DNAAF11: variants seen among roughly 807,000 people sequenced by gnomAD.
The protein encoded by DNAAF11 is dynein axonemal assembly factor 11, also known as leucine rich repeat containing 6.
A neutral mutation model predicts 60.8 loss-of-function variants in DNAAF11; 45 were observed. That is an observed-to-expected ratio of 0.74 (90% CI 0.58 to 0.95). The LOEUF (loss-of-function observed/expected upper bound fraction) is 0.95, where lower values mean the gene tolerates loss of function less well. Ranked by LOEUF, DNAAF11 falls within the 40% of genes least tolerant of loss-of-function variation. The pLI is 0.00. For synonymous variants in DNAAF11, 191 were observed against 183.5 expected (o/e 1.04, Z -0.33); for missense variants, 546 against 546.2 (o/e 1.00, Z 0.00).
At chr8:132,636,755 G>T (rs561822436) in intron 4 of DNAAF11, among the ~76,000 whole-genome samples, 1 of 152,258 alleles carries the variant, frequency 6.6e-6, no homozygotes, top group African/African-American at 2.4e-5. Context: ...GTATAATAAT[G>T]ATCAGTTTAG....
chr8:132,633,765 G>GT, intron 4 of DNAAF11, among the ~76,000 whole-genome samples: 1 of 152,248 alleles, frequency 6.6e-6, no homozygotes, highest in East Asian at 1.9e-4. Flanking sequence ...GAGTGTCAGA[G>GT]TTAGGGAGAG....
intron 3 of DNAAF11, among the ~76,000 whole-genome samples, chr8:132,650,613 G>A (rs138219746): frequency 5.4e-4 from 82 of 152,274 alleles, no homozygotes; most frequent in Admixed American, 2.5e-3. Flanking sequence ...TGAAGGATGT[G>A]TACAAAACTA....
intron 11 of DNAAF11, 21 bp downstream of exon 11, chr8:132,583,673 G>C: frequency 2.5e-6 from 4 of 1,590,688 alleles, no homozygotes; most frequent in Non-Finnish European, 3.5e-6. Context: ...TACAGCTAAG[G>C]ACAGTCTGGG....
At chr8:132,630,813 T>G (rs1048627490) in intron 5 of DNAAF11, among the ~76,000 whole-genome samples, 7 of 152,172 alleles carry the variant, frequency 4.6e-5, no homozygotes, top group African/African-American at 7.2e-5. Context: ...GCAAATTAAT[T>G]TTTTTAAAAA....
rs1563992420 is a variant in DNAAF11, at chr8:132,595,347, G to GAAAAAAAAAAAAAAAA, written c.1141-11569_1141-11568insTTTTTTTTTTTTTTTT. 9.8e-5 allele frequency among the ~76,000 whole-genome samples: 4 copies of GAAAAAAAAAAAAAAAA among 40,680 alleles called. 1 individual carries two copies. Among genetic ancestry groups the GAAAAAAAAAAAAAAAA allele is most frequent in the African/African-American group, 8.0e-5 (1 of 12,570 alleles). 26.7% of individuals were successfully genotyped at this position (40,680 alleles called of 152,430 possible). On this transcript the variant is annotated intron_variant, in intron 10 of 11. Coordinates refer to ENST00000620350, the MANE Select transcript of DNAAF11 (RefSeq NM_012472.6). ...TTCCCGAAAGAGAGAGAGACAGAGG[G>GAAAAAAAAAAAAAAAA]GAAAAAAAAAAAAAAAAAAAAAAAA...
At chr8:132,603,874 A>C (rs1817883516) in intron 10 of DNAAF11, among the ~76,000 whole-genome samples, 1 of 152,114 alleles carries the variant, frequency 6.6e-6, no homozygotes, top group African/African-American at 2.4e-5. Context: ...CGGAGTGGGA[A>C]GTCTTTTAAA....
upstream of DNAAF11, among the ~76,000 whole-genome samples, chr8:132,676,255 CCCAGACCCTTCT>C (rs1825756493): frequency 6.6e-6 from 1 of 152,094 alleles, no homozygotes; most frequent in Admixed American, 6.6e-5. Context: ...CTCACGTTTC[CCCAGACCCTTCT>C]CCAAAAGTGT....
At chr8:132,658,967 C>G (rs1244926345) in intron 2 of DNAAF11, among the ~76,000 whole-genome samples, 2 of 152,128 alleles carry the variant, frequency 1.3e-5, no homozygotes, top group Admixed American at 1.3e-4. Context: ...AGTAACAGTT[C>G]TCATCAACTA....
chr8:132,686,931 G>T, the DNAAF11 span, among the ~76,000 whole-genome samples: 102 of 152,214 alleles, frequency 6.7e-4, 1 homozygote, highest in Non-Finnish European at 1.4e-3. Context: ...ATCACATTTG[G>T]CTTATTAACT....
chr8:132,572,203 C>A lies in DNAAF11; in HGVS notation c.*103G>T. Reference sequence around the variant, plus strand: ...TAAAACACTGGAGCAGCGATATTGACAAATAACTCTGTGTTTATCCCAGGA... The same window carrying A: ...TAAAACACTGGAGCAGCGATATTGAAAAATAACTCTGTGTTTATCCCAGGA... On this transcript the variant is annotated 3_prime_UTR_variant, in exon 12 of 12. Transcript: ENST00000620350. The A allele has an allele frequency of 1.1e-6, 1 of 921,616 alleles. No homozygotes were observed. Among genetic ancestry groups the A allele is most frequent in the East Asian group, 2.5e-5 (1 of 39,540 alleles). 57.1% of individuals were successfully genotyped at this position (921,616 alleles called of 1,614,324 possible).
chr8:132,686,923 C>A, the DNAAF11 span, among the ~76,000 whole-genome samples: 1 of 152,148 alleles, frequency 6.6e-6, no homozygotes, highest in African/African-American at 2.4e-5. Context: ...TAGCATTGAT[C>A]ACATTTGGCT....
At chr8:132,634,938 AATTGATTG>A (rs561354865) in intron 4 of DNAAF11, among the ~76,000 whole-genome samples, 1 of 151,920 alleles carries the variant, frequency 6.6e-6, no homozygotes, top group Admixed American at 6.6e-5. Flanking sequence ...GAAGTACATT[AATTGATTG>A]ATTGATTGAT....
intron 5 of DNAAF11, 66 bp downstream of exon 5, chr8:132,632,674 G>A: frequency 9.0e-7 from 1 of 1,109,186 alleles, no homozygotes. Context: ...AAACAACTTG[G>A]AAAGAGAATA....
chr8:132,606,274 T>C (rs1016299132), intron 10 of DNAAF11, among the ~76,000 whole-genome samples: 1 of 152,172 alleles, frequency 6.6e-6, no homozygotes, highest in Non-Finnish European at 1.5e-5. Flanking sequence ...AATTGTACTA[T>C]ACTTTTTATC....
chr8:132,689,776 T>G, the DNAAF11 span, among the ~76,000 whole-genome samples: 1 of 152,052 alleles, frequency 6.6e-6, no homozygotes, highest in African/African-American at 2.4e-5. Context: ...CAGGCTGAAG[T>G]GCAGTGGCAC....
chr8:132,698,037 A>T, the DNAAF11 span, among the ~76,000 whole-genome samples: 2 of 152,230 alleles, frequency 1.3e-5, no homozygotes, highest in Non-Finnish European at 2.9e-5. Context: ...AGTGGAAAAC[A>T]TCCTGGACTT....
At chr8:132,690,573 A>G in the DNAAF11 span, among the ~76,000 whole-genome samples, 7 of 152,188 alleles carry the variant, frequency 4.6e-5, no homozygotes, top group African/African-American at 1.7e-4. Flanking sequence ...TCAAATAATC[A>G]ATGTTGATAC....
At chr8:132,585,423 C>T (rs774688210) in intron 10 of DNAAF11, among the ~76,000 whole-genome samples, 11 of 152,220 alleles carry the variant, frequency 7.2e-5, no homozygotes, top group Non-Finnish European at 1.5e-4. Flanking sequence ...GGTGTATGTG[C>T]GTTGTGGGAA....
chr8:132,682,609 G>A, the DNAAF11 span, among the ~76,000 whole-genome samples: 1 of 152,208 alleles, frequency 6.6e-6, no homozygotes, highest in Admixed American at 6.5e-5. Context: ...TGTTTAATAG[G>A]ATGGGTCAGT....
Sources: gnomAD v4.1 joint callset for allele counts (sites outside exome capture counted in the v4.1 genomes callset) on GRCh38, gnomAD v4.1.1 for gene constraint, MANE v1.5 for transcripts, NCBI Gene and HGNC (gene_info 2026-07-23, HGNC 2026-07-21) for gene names.